Variants in RAD1 observed in about 807,000 individuals in gnomAD.
RAD1 encodes the protein RAD1 checkpoint DNA exonuclease.
In RAD1, 21 loss-of-function variants were observed where a neutral mutation model predicts 30.0. The observed-to-expected ratio is 0.70, with a 90% CI of 0.50 to 1.01. The LOEUF (loss-of-function observed/expected upper bound fraction) is 1.01, where lower values mean the gene tolerates loss of function less well. Ranked by LOEUF, RAD1 falls within the 50% of genes least tolerant of loss-of-function variation. The probability of loss-of-function intolerance (pLI) is 0.00; values close to 1 mark genes in which losing one functional copy is unlikely to be tolerated. For missense variants in RAD1, 329 were observed against 329.0 expected (o/e 1.00, Z 0.00); for synonymous variants, 109 against 113.6 (o/e 0.96, Z 0.26).
chr5:34,914,344 G>A, intron 2 of RAD1: 1 of 297,864 alleles, frequency 3.4e-6, no homozygotes, highest in Non-Finnish European at 6.5e-6. Context: ...ATATAAAACG[G>A]GAATAATAAC....
chr5:34,914,878 G>T lies in RAD1; in HGVS notation c.15C>A (p.Thr5=). The change falls in exon 2 of 6, where the codon ACC becomes ACA. Residue 5 remains threonine (T), a synonymous_variant. Coordinates refer to ENST00000382038, the MANE Select transcript of RAD1 (RefSeq NM_002853.4). MPLL[T]QQIQDEDDQY... ...GATCATCCTCGTCTTGGATCTGTTG[G>T]GTCAGAAGGGGCATCGTCCACTGCG... The T allele has an allele frequency of 6.2e-7, 1 of 1,614,014 alleles. No homozygotes were observed. The highest frequency in any genetic ancestry group is 8.5e-7 in the Non-Finnish European group (1 of 1,180,024).
chr5:34,913,868 A>T (rs1003637324), intron 2 of RAD1: 7 of 474,218 alleles, frequency 1.5e-5, no homozygotes, highest in African/African-American at 3.9e-5. Flanking sequence ...TGCATGAGCA[A>T]CATTAGTTTC....
intron 5 of RAD1, 56 bp from the exon 6 acceptor site, chr5:34,909,004 C>G (rs1176399029): frequency 7.1e-7 from 1 of 1,412,386 alleles, no homozygotes; most frequent in African/African-American, 1.4e-5. Context: ...CTGCTCAGAA[C>G]TCCCAAGTAA....
Position 34,914,214 on chromosome 5 carries a change from G to A in RAD1, c.198+481C>T, listed in dbSNP as rs1327070683. ...AAATACTCTTTAGTAATAGCATATC[G>A]CAGTGGAAAAAAGAGCATATATTCT... On this transcript the variant is annotated intron_variant, in intron 2 of 5. Coordinates refer to ENST00000382038, the MANE Select transcript of RAD1 (RefSeq NM_002853.4). Among the ~76,000 whole-genome samples the A allele has an allele frequency of 4.6e-5, 7 of 152,106 alleles. No homozygotes were observed. In the East Asian group the frequency reaches 1.2e-3, roughly 25 times the overall value.
rs1484063947 is a variant in RAD1 at position 34,907,431 on chromosome 5, C to T, written c.*1334G>A. The T allele has an allele frequency of 6.6e-6, 1 of 152,218 alleles. No individual in the cohort carries two copies. Among genetic ancestry groups the T allele is most frequent in the Non-Finnish European group, 1.5e-5 (1 of 68,040 alleles). 9.4% of individuals were successfully genotyped at this position (152,218 alleles called of 1,614,324 possible). A position where few individuals can be genotyped will look rare whatever the true frequency, so the allele number is the denominator to read the frequency against. ...CCAATAGTGACTGTCCATGGAGGGACACTCAGCTGTTGTCACCTGGTACAG... is the reference window on the plus strand; with the variant it reads ...CCAATAGTGACTGTCCATGGAGGGATACTCAGCTGTTGTCACCTGGTACAG... On this transcript the variant is annotated 3_prime_UTR_variant, in exon 6 of 6. Coordinates refer to ENST00000382038, the MANE Select transcript of RAD1 (RefSeq NM_002853.4).
chr5:34,913,675 A>G, intron 2 of RAD1, 97 bp from the exon 3 acceptor site: 1 of 699,164 alleles, frequency 1.4e-6, no homozygotes, highest in Admixed American at 2.8e-5. Context: ...AAAATACAAT[A>G]CTGTGCTAAT....
At chr5:34,911,950 G>T in intron 3 of RAD1, 138 bp from the exon 4 acceptor site, 2 of 1,016,362 alleles carry the variant, frequency 2.0e-6, no homozygotes, top group South Asian at 1.6e-5. Context: ...TCATAAAAAG[G>T]GATGACATCT....
Position 34,906,227 on chromosome 5 carries a change from G to T in RAD1, c.*2538C>A, listed in dbSNP as rs548529276. The T allele has an allele frequency of 6.6e-6, 1 of 152,006 alleles. No homozygotes were observed. The highest frequency in any genetic ancestry group is 1.5e-5 in the Non-Finnish European group (1 of 68,012). The allele number at this position is 152,006 out of a possible 1,614,324, so 9.4% of individuals were successfully genotyped here. A position where few individuals can be genotyped will look rare whatever the true frequency, so the allele number is the denominator to read the frequency against. On this transcript the variant is annotated 3_prime_UTR_variant, in exon 6 of 6. Coordinates refer to ENST00000382038, the MANE Select transcript of RAD1 (RefSeq NM_002853.4). ...CTGCCTCGGCTTCCCAAAATGCTGG[G>T]ATTACAGGTGTGAGCCACCACTCCC...
rs536356085 is a variant in RAD1 at position 34,909,578 on chromosome 5, G to A, written c.567-222C>T. Among the ~76,000 whole-genome samples, 17 of 152,214 alleles carry A rather than the reference G, an allele frequency of 1.1e-4. No individual in the cohort carries two copies. In the South Asian group the frequency reaches 3.3e-3, roughly 30 times the overall value. ...AGAAAATCAATTGTAAAAGGAAAAG[G>A]GTAGGGGACACTTTAATTTCATTAC... On this transcript the variant is annotated intron_variant, in intron 4 of 5. Coordinates refer to ENST00000382038, the MANE Select transcript of RAD1 (RefSeq NM_002853.4).
rs1032954468 is a variant in RAD1, at chr5:34,908,141, G to C, written c.*624C>G. The C allele has an allele frequency of 2.0e-5, 3 of 150,794 alleles. No individual in the cohort carries two copies. Among genetic ancestry groups the C allele is most frequent in the African/African-American group, 7.3e-5 (3 of 41,056 alleles). The allele number at this position is 150,794 out of a possible 1,614,324, so 9.3% of individuals were successfully genotyped here. ...AATAAATAAATAAAAGATCATTTCA[G>C]GTAGCTGCATCAAACTTTAAGCCTT... On this transcript the variant is annotated 3_prime_UTR_variant, in exon 6 of 6. Coordinates refer to ENST00000382038, the MANE Select transcript of RAD1 (RefSeq NM_002853.4).
At chr5:34,909,968 A>G (rs1303430284) in intron 4 of RAD1, among the ~76,000 whole-genome samples, 1 of 152,070 alleles carries the variant, frequency 6.6e-6, no homozygotes, top group Non-Finnish European at 1.5e-5. Context: ...TCTGCCTCCC[A>G]TCTTCCAGGT....
rs41268175 is a variant in RAD1 at position 34,906,661 on chromosome 5, G to T, written c.*2104C>A. The T allele has an allele frequency of 1.2e-3, 180 of 152,108 alleles. No homozygotes were observed. The highest frequency in any genetic ancestry group is 4.2e-3 in the African/African-American group (174 of 41,500). The allele number at this position is 152,108 out of a possible 1,614,324, so 9.4% of individuals were successfully genotyped here. ...CTCCAAAAATAAAAATAAAAAAACT[G>T]AGATCAAAATAAATTTAGAGCTAAA... On this transcript the variant is annotated 3_prime_UTR_variant, in exon 6 of 6. Transcript: ENST00000382038.
At chr5:34,912,217 G>T (rs1465210499) in intron 3 of RAD1, among the ~76,000 whole-genome samples, 1 of 152,216 alleles carries the variant, frequency 6.6e-6, no homozygotes, top group African/African-American at 2.4e-5. Context: ...GCTGTCATCT[G>T]TACTGTAACG....
At position 34,907,806 on chromosome 5, in the gene RAD1, G is replaced by A. The variant is rs1363530567; in HGVS notation, c.*959C>T. On this transcript the variant is annotated 3_prime_UTR_variant, in exon 6 of 6. Transcript: ENST00000382038. ...AAAGAATTGTTCAGACTTGTTTGGT[G>A]ATGCCTCAACTTCAGAACATTTGCA... 1 of 152,156 alleles carries A rather than the reference G, an allele frequency of 6.6e-6. No homozygotes were observed. The highest frequency in any genetic ancestry group is 1.5e-5 in the Non-Finnish European group (1 of 68,036). The allele number at this position is 152,156 out of a possible 1,614,324, so 9.4% of individuals were successfully genotyped here.
chr5:34,909,040 A>G, intron 5 of RAD1, 92 bp from the exon 6 acceptor site: 4 of 1,236,896 alleles, frequency 3.2e-6, no homozygotes, highest in African/African-American at 1.5e-5. Flanking sequence ...AAATCTAAGA[A>G]TAAAATCAAG....
At chr5:34,912,909 A>G (rs180703159) in intron 3 of RAD1, among the ~76,000 whole-genome samples, 180 of 152,248 alleles carry the variant, frequency 1.2e-3, no homozygotes, top group African/African-American at 4.2e-3. Flanking sequence ...GCTGAGGCAG[A>G]AGAATCACTT....
chr5:34,906,422 TG>T lies in RAD1; in HGVS notation c.*2342del, dbSNP rs779572780. Reference sequence around the variant, plus strand: ...GGGAGGCCGAGGCGGGTGGATTGCTTGAGCTCAGGAGTTCAAGATTAGCCTA... The same window carrying T: ...GGGAGGCCGAGGCGGGTGGATTGCTTAGCTCAGGAGTTCAAGATTAGCCTA... On this transcript the variant is annotated 3_prime_UTR_variant, in exon 6 of 6. Transcript: ENST00000382038. The T allele has an allele frequency of 2.1e-4, 32 of 152,230 alleles. No individual in the cohort carries two copies. The highest frequency in any genetic ancestry group is 3.4e-3 in the Middle Eastern group (1 of 296). The allele number at this position is 152,230 out of a possible 1,614,324, so 9.4% of individuals were successfully genotyped here.
At chr5:34,910,034 C>T (rs1354807476) in intron 4 of RAD1, among the ~76,000 whole-genome samples, 3 of 152,078 alleles carry the variant, frequency 2.0e-5, no homozygotes, top group African/African-American at 4.8e-5. Context: ...TCTCTCTGAC[C>T]CGTCTCATCC....
In RAD1 at chr5:34,914,737, T is replaced by G. The variant is rs779422064; in HGVS notation, c.156A>C (p.Thr52=). ...CFATKNGIKV[T]VENAKCVQAN... is the part of the protein sequence containing the mutation. ...CTTGCACACACTTTGCATTTTCCAC[T>G]GTTACTTTGATACCATTTTTAGTTG... The change falls in exon 2 of 6, where the codon ACA becomes ACC. Residue 52 remains threonine, a synonymous_variant. Coordinates refer to ENST00000382038, the MANE Select transcript of RAD1 (RefSeq NM_002853.4). The G allele has an allele frequency of 6.2e-7, 1 of 1,614,266 alleles. No individual in the cohort carries two copies. The highest frequency in any genetic ancestry group is 1.1e-5 in the South Asian group (1 of 91,088).
Sources: gnomAD v4.1 joint callset for allele counts (sites outside exome capture counted in the v4.1 genomes callset) on GRCh38, gnomAD v4.1.1 for gene constraint, MANE v1.5 for transcripts, NCBI Gene and HGNC (gene_info 2026-07-23, HGNC 2026-07-21) for gene names.